The following PLXNA4 variants were observed in gnomAD, a reference collection of about 807,000 sequenced individuals.
The protein encoded by PLXNA4 is plexin A4, also known as plexin-A4.
PLXNA4 carries 44 observed loss-of-function variants against 191.8 expected under a neutral mutation model. The ratio of observed to expected loss-of-function variants is 0.23; its 90% CI spans 0.18 to 0.29. The LOEUF is 0.29. Among genes scored for constraint, PLXNA4 ranks in the 10% least tolerant of loss-of-function variants. The pLI, the probability that PLXNA4 is intolerant of heterozygous loss-of-function variation, is 1.00. For missense variants in PLXNA4, 1,800 were observed against 2,488.8 expected (o/e 0.72, Z 5.89); for synonymous variants, 1,082 against 1,009.5 (o/e 1.07, Z -1.36).
chr7:132,405,058 A>ATGTG (rs1056382602), intron 3 of PLXNA4, among the ~76,000 whole-genome samples: 3 of 66,812 alleles, frequency 4.5e-5, no homozygotes, highest in South Asian at 6.2e-4. Flanking sequence ...AGCTGAGGGT[A>ATGTG]TGTGTGTGTG....
At chr7:132,548,804 G>C (rs1015981001) in intron 1 of PLXNA4, among the ~76,000 whole-genome samples, 15 of 152,150 alleles carry the variant, frequency 9.9e-5, no homozygotes, top group Admixed American at 5.9e-4. Context: ...ACAAGATACA[G>C]GTCATAAAGA....
At chr7:132,512,259 ACC>A (rs1798748423) in intron 1 of PLXNA4, among the ~76,000 whole-genome samples, 1 of 152,116 alleles carries the variant, frequency 6.6e-6, no homozygotes, top group Non-Finnish European at 1.5e-5. Context: ...ATGTGTGCCT[ACC>A]CCACGACCTG....
chr7:132,567,442 C>T (rs1275882690), intron 1 of PLXNA4, among the ~76,000 whole-genome samples: 1 of 152,126 alleles, frequency 6.6e-6, no homozygotes, highest in Non-Finnish European at 1.5e-5. Flanking sequence ...TGGAGGGTAA[C>T]TGAGGGGCTC....
chr7:132,355,278 C>T (rs185760783), intron 3 of PLXNA4, among the ~76,000 whole-genome samples: 1 of 152,344 alleles, frequency 6.6e-6, no homozygotes, highest in Admixed American at 6.5e-5. Flanking sequence ...TCCTGAACTT[C>T]GTCCAAGTCT....
At chr7:132,279,837 A>G (rs903083133) in intron 4 of PLXNA4, among the ~76,000 whole-genome samples, 32 of 152,178 alleles carry the variant, frequency 2.1e-4, no homozygotes, top group African/African-American at 6.0e-4. Context: ...CGGAGAGATG[A>G]TGACATTAGC....
At chr7:132,389,172 G>A (rs955432239) in intron 3 of PLXNA4, among the ~76,000 whole-genome samples, 2 of 152,102 alleles carry the variant, frequency 1.3e-5, no homozygotes, top group Non-Finnish European at 2.9e-5. Flanking sequence ...CTAGCCCTTT[G>A]TCAGATGGAT....
chr7:132,210,225 A>G (rs1797751100), intron 10 of PLXNA4, among the ~76,000 whole-genome samples: 1 of 152,246 alleles, frequency 6.6e-6, no homozygotes, highest in Non-Finnish European at 1.5e-5. Flanking sequence ...GAGAGAGACC[A>G]GAGCAGTAGC....
chr7:132,504,834 C>T (rs1036734048), intron 2 of PLXNA4, among the ~76,000 whole-genome samples: 5 of 152,198 alleles, frequency 3.3e-5, no homozygotes, highest in African/African-American at 7.2e-5. Flanking sequence ...AAAACCAACC[C>T]AACAGCCTTG....
At chr7:132,509,356 C>T (rs1224678727) in intron 1 of PLXNA4, among the ~76,000 whole-genome samples, 2 of 152,186 alleles carry the variant, frequency 1.3e-5, no homozygotes, top group African/African-American at 4.8e-5. Context: ...ACTATCCACC[C>T]ATACTACATT....
chr7:132,212,098 G>A (rs112470973), intron 9 of PLXNA4, among the ~76,000 whole-genome samples: 6,069 of 152,186 alleles, frequency 0.04, 344 homozygotes, highest in East Asian at 0.16. Flanking sequence ...CCTGTGCCAG[G>A]CAGGTCCCAC....
intron 1 of PLXNA4, among the ~76,000 whole-genome samples, chr7:132,540,903 A>G (rs1388696131): frequency 6.6e-6 from 1 of 151,678 alleles, no homozygotes; most frequent in East Asian, 1.9e-4. Flanking sequence ...GTTCTTAAAA[A>G]CTTTGTGCTA....
intron 2 of PLXNA4, among the ~76,000 whole-genome samples, chr7:132,595,646 C>A (rs1260514244): frequency 6.6e-6 from 1 of 152,188 alleles, no homozygotes; most frequent in East Asian, 1.9e-4. Flanking sequence ...ACTGGCCCAA[C>A]CTGATTCTCG....
At chr7:132,462,063 G>A (rs1473683282) in intron 3 of PLXNA4, among the ~76,000 whole-genome samples, 1 of 152,142 alleles carries the variant, frequency 6.6e-6, no homozygotes, top group Admixed American at 6.5e-5. Context: ...TGAAAGGGAT[G>A]AATCCATGTT....
intron 4 of PLXNA4, among the ~76,000 whole-genome samples, chr7:132,268,586 C>A (rs1413415085): frequency 6.6e-6 from 1 of 152,112 alleles, no homozygotes; most frequent in Non-Finnish European, 1.5e-5. Context: ...TACATAGGAG[C>A]AGAGGGGATC....
intron 1 of PLXNA4, among the ~76,000 whole-genome samples, chr7:132,549,142 T>A (rs996972504): frequency 2.0e-5 from 3 of 152,226 alleles, no homozygotes; most frequent in Admixed American, 1.3e-4. Flanking sequence ...AAGCAGCTCA[T>A]CCTGCTGCTC....
chr7:132,539,685 G>T (rs1175303329), intron 1 of PLXNA4, among the ~76,000 whole-genome samples: 1 of 152,002 alleles, frequency 6.6e-6, no homozygotes, highest in South Asian at 2.1e-4. Flanking sequence ...TATTTCACAG[G>T]GTTGTTGGTT....
At chr7:132,381,063 G>A (rs985652075) in intron 3 of PLXNA4, among the ~76,000 whole-genome samples, 3 of 152,206 alleles carry the variant, frequency 2.0e-5, no homozygotes, top group African/African-American at 7.2e-5. Context: ...ATCTACCATG[G>A]ACTATAATCA....
rs527564277 is a variant in PLXNA4, at chr7:132,127,547, C to T, written c.*2932G>A. 1 of 152,274 alleles carries T rather than the reference C, an allele frequency of 6.6e-6. No individual in the cohort carries two copies. The highest frequency in any genetic ancestry group is 1.9e-4 in the East Asian group (1 of 5,186). 9.4% of individuals were successfully genotyped at this position (152,274 alleles called of 1,614,324 possible). On this transcript the variant is annotated 3_prime_UTR_variant, in exon 32 of 32. Transcript: ENST00000321063. ...GTCTTTGCTTTTAAATACCATATCA[C>T]ACGTGCACCAAGAATCCAAACGGAA... is the stretch of plus-strand genomic sequence containing the variant.
Position 132,632,541 on chromosome 7 carries a change from CT to C in PLXNA4, c.-87+13386del, listed in dbSNP as rs553107775. ...AGTTAGGCTCTTACTCATTATCTAC[CT>C]CCCGGGATAGAAATGTAGCATCCAT... On this transcript the variant is annotated intron_variant, in intron 2 of 4. Transcript: ENST00000378539. 1.3e-4 allele frequency among the ~76,000 whole-genome samples: 20 copies of C among 152,216 alleles called. No homozygotes were observed. In the South Asian group the frequency reaches 4.1e-3, roughly 32 times the overall value.
Sources: gnomAD v4.1 joint callset for allele counts (sites outside exome capture counted in the v4.1 genomes callset) on GRCh38, gnomAD v4.1.1 for gene constraint, MANE v1.5 for transcripts, NCBI Gene and HGNC (gene_info 2026-07-23, HGNC 2026-07-21) for gene names.